Variants in IMMP2L observed in about 807,000 individuals in gnomAD.
IMMP2L encodes inner mitochondrial membrane peptidase subunit 2, also known as mitochondrial inner membrane protease subunit 2.
In IMMP2L, 18 loss-of-function variants were observed where a neutral mutation model predicts 19.3. The ratio of observed to expected loss-of-function variants is 0.93; its 90% confidence interval spans 0.64 to 1.38. IMMP2L has a LOEUF of 1.38. Ranked by LOEUF, IMMP2L falls within the 40% of genes most tolerant of loss-of-function variation. IMMP2L has a pLI of 0.00. For synonymous variants in IMMP2L, 76 were observed against 73.0 expected (o/e 1.04, Z -0.21); for missense variants, 233 against 218.2 (o/e 1.07, Z -0.43).
chr7:111,013,889 G>A (rs1316950749), intron 3 of IMMP2L, among the ~76,000 whole-genome samples: 1 of 151,452 alleles, frequency 6.6e-6, no homozygotes, highest in Non-Finnish European at 1.5e-5. Context: ...ATCTTACCAA[G>A]AAAATTCTTT....
At chr7:111,438,386 T>A (rs1837399479) in intron 3 of IMMP2L, among the ~76,000 whole-genome samples, 1 of 151,760 alleles carries the variant, frequency 6.6e-6, no homozygotes, top group African/African-American at 2.4e-5. Flanking sequence ...AAAAAGAAGA[T>A]TTTTATGAAA....
chr7:111,117,777 A>G (rs974707419), intron 3 of IMMP2L, among the ~76,000 whole-genome samples: 4 of 152,096 alleles, frequency 2.6e-5, no homozygotes, highest in Non-Finnish European at 5.9e-5. Flanking sequence ...AATTTGCTAT[A>G]GAAGAAAAGG....
chr7:111,054,761 A>G (rs1343877482), intron 3 of IMMP2L, among the ~76,000 whole-genome samples: 4 of 152,184 alleles, frequency 2.6e-5, no homozygotes, highest in Non-Finnish European at 5.9e-5. Context: ...TCTAAAATCA[A>G]TCTCAGGAGG....
At chr7:111,046,620 T>C (rs1214279003) in intron 3 of IMMP2L, among the ~76,000 whole-genome samples, 1 of 152,158 alleles carries the variant, frequency 6.6e-6, no homozygotes, top group Non-Finnish European at 1.5e-5. Context: ...ATGTTCAAAA[T>C]ATGAGGGAAT....
At chr7:111,369,213 G>T (rs1395934493) in intron 3 of IMMP2L, among the ~76,000 whole-genome samples, 3 of 151,774 alleles carry the variant, frequency 2.0e-5, no homozygotes, top group Non-Finnish European at 4.4e-5. Flanking sequence ...AGATTTAGTG[G>T]TAAGAAAAAA....
chr7:110,967,578 T>C (rs1384622586), intron 3 of IMMP2L, among the ~76,000 whole-genome samples: 2 of 152,102 alleles, frequency 1.3e-5, no homozygotes, highest in African/African-American at 2.4e-5. Flanking sequence ...CACAGTCTAA[T>C]GTAATCACTG....
At chr7:111,506,892 A>C (rs1025255946) in intron 2 of IMMP2L, among the ~76,000 whole-genome samples, 1 of 152,016 alleles carries the variant, frequency 6.6e-6, no homozygotes, top group Non-Finnish European at 1.5e-5. Flanking sequence ...CCCAGGCTGA[A>C]ATGCAGTGGC....
chr7:110,668,542 C>A (rs1168034582), intron 5 of IMMP2L, among the ~76,000 whole-genome samples: 1 of 152,182 alleles, frequency 6.6e-6, no homozygotes, highest in Non-Finnish European at 1.5e-5. Flanking sequence ...AATATATCTG[C>A]TCGCTTGCTT....
At chr7:110,756,765 T>C (rs1344858345) in intron 5 of IMMP2L, among the ~76,000 whole-genome samples, 1 of 152,104 alleles carries the variant, frequency 6.6e-6, no homozygotes, top group Non-Finnish European at 1.5e-5. Flanking sequence ...TTAAGAAAGA[T>C]GATCTTAAAT....
chr7:110,725,090 T>C (rs1251908108), intron 5 of IMMP2L, among the ~76,000 whole-genome samples: 1 of 152,224 alleles, frequency 6.6e-6, no homozygotes, highest in Non-Finnish European at 1.5e-5. Flanking sequence ...TAACTAGTCA[T>C]GGTATCCTCA....
intron 5 of IMMP2L, among the ~76,000 whole-genome samples, chr7:110,722,910 C>G (rs1795666123): frequency 6.6e-6 from 1 of 152,076 alleles, no homozygotes; most frequent in African/African-American, 2.4e-5. Flanking sequence ...TTTCATGCTT[C>G]TCAGACCATG....
chr7:111,151,349 A>C (rs1389560374), intron 3 of IMMP2L, among the ~76,000 whole-genome samples: 2 of 152,166 alleles, frequency 1.3e-5, no homozygotes, highest in Non-Finnish European at 2.9e-5. Flanking sequence ...AACAGGTTCA[A>C]TGAAAATACA....
intron 3 of IMMP2L, among the ~76,000 whole-genome samples, chr7:111,030,914 ATATATATATAT>A (rs1563176435): frequency 1.4e-4 from 11 of 77,990 alleles, no homozygotes; most frequent in African/African-American, 4.9e-4. Context: ...ATATATATAT[ATATATATATAT>A]AAAATATATA....
intron 3 of IMMP2L, among the ~76,000 whole-genome samples, chr7:110,971,573 A>G (rs1474621486): frequency 6.6e-6 from 1 of 152,094 alleles, no homozygotes; most frequent in East Asian, 1.9e-4. Context: ...TGTTGTTCTG[A>G]CAAGATAAAG....
intron 3 of IMMP2L, among the ~76,000 whole-genome samples, chr7:111,367,485 T>TA (rs1454396467): frequency 6.6e-6 from 1 of 151,764 alleles, no homozygotes; most frequent in Non-Finnish European, 1.5e-5. Flanking sequence ...AAGGCTTTTT[T>TA]TTTTTAACAC....
chr7:111,496,632 C>G (rs2132376468), intron 2 of IMMP2L, among the ~76,000 whole-genome samples: 1 of 152,204 alleles, frequency 6.6e-6, no homozygotes, highest in African/African-American at 2.4e-5. Context: ...CTGGGACAAC[C>G]TTCTTCTCTT....
chr7:110,744,923 G>A (rs996397464), intron 5 of IMMP2L, among the ~76,000 whole-genome samples: 1 of 152,058 alleles, frequency 6.6e-6, no homozygotes, highest in Non-Finnish European at 1.5e-5. Context: ...CAGACGTTAA[G>A]CTCCAGAAGA....
chr7:110,826,271 C>T (rs975074940), intron 5 of IMMP2L, among the ~76,000 whole-genome samples: 1 of 152,166 alleles, frequency 6.6e-6, no homozygotes, highest in African/African-American at 2.4e-5. Context: ...TTGTGGAAGT[C>T]AGTGTGGCGA....
chr7:110,861,873 C>T (rs1317911334), intron 5 of IMMP2L, among the ~76,000 whole-genome samples: 5 of 152,022 alleles, frequency 3.3e-5, no homozygotes, highest in Admixed American at 3.3e-4. Flanking sequence ...AAATATGTGT[C>T]TATTATAATA....
Sources: gnomAD v4.1 joint callset for allele counts (sites outside exome capture counted in the v4.1 genomes callset) on GRCh38, gnomAD v4.1.1 for gene constraint, MANE v1.5 for transcripts, NCBI Gene and HGNC (gene_info 2026-07-23, HGNC 2026-07-21) for gene names.